Variants in KCNQ3 observed in about 807,000 individuals in gnomAD.
KCNQ3 encodes the protein potassium voltage-gated channel subfamily Q member 3.
KCNQ3 carries 30 observed loss-of-function variants against 92.5 expected under a neutral mutation model. The observed-to-expected ratio is 0.32, with a 90% CI of 0.24 to 0.44. KCNQ3 has a LOEUF of 0.44. Ranked by LOEUF, KCNQ3 falls within the 20% of genes least tolerant of loss-of-function variation. KCNQ3 has a pLI of 1.00. For missense variants in KCNQ3, 913 were observed against 1,140.3 expected (o/e 0.80, Z 2.87); for synonymous variants, 450 against 468.8 (o/e 0.96, Z 0.52).
chr8:132,360,879 T>C (rs1201988646), intron 1 of KCNQ3, among the ~76,000 whole-genome samples: 1 of 152,198 alleles, frequency 6.6e-6, no homozygotes, highest in African/African-American at 2.4e-5. Context: ...CAGCAGTTTT[T>C]TATAAAAATG....
intron 1 of KCNQ3, among the ~76,000 whole-genome samples, chr8:132,293,383 T>C (rs1816915519): frequency 6.6e-6 from 1 of 152,098 alleles, no homozygotes. Context: ...TCCAGGTAGA[T>C]GGTGTCAGAA....
intron 1 of KCNQ3, among the ~76,000 whole-genome samples, chr8:132,312,909 T>C (rs1485642774): frequency 6.6e-6 from 1 of 152,214 alleles, no homozygotes; most frequent in African/African-American, 2.4e-5. Flanking sequence ...AGTGTGAGAA[T>C]GGACTAATAC....
intron 1 of KCNQ3, among the ~76,000 whole-genome samples, chr8:132,394,513 G>A (rs1374811589): frequency 6.6e-6 from 1 of 152,194 alleles, no homozygotes; most frequent in Non-Finnish European, 1.5e-5. Context: ...GCTTGATCCA[G>A]TGTAGGGACT....
At chr8:132,264,443 C>T (rs1401802820) in intron 1 of KCNQ3, among the ~76,000 whole-genome samples, 1 of 152,208 alleles carries the variant, frequency 6.6e-6, no homozygotes, top group Non-Finnish European at 1.5e-5. Flanking sequence ...CTGGAGCTCA[C>T]TAAGGCTGTT....
At chr8:132,328,193 C>T (rs79487027) in intron 1 of KCNQ3, among the ~76,000 whole-genome samples, 16 of 152,178 alleles carry the variant, frequency 1.1e-4, no homozygotes, top group Non-Finnish European at 1.8e-4. Flanking sequence ...ACATAAGGCA[C>T]GGGCTTCCCA....
intron 1 of KCNQ3, among the ~76,000 whole-genome samples, chr8:132,291,586 T>C (rs988076416): frequency 1.3e-5 from 2 of 152,228 alleles, no homozygotes; most frequent in African/African-American, 2.4e-5. Context: ...ATATTCCCAA[T>C]GTTTATCCAT....
chr8:132,295,836 G>C (rs1175525568), intron 1 of KCNQ3, among the ~76,000 whole-genome samples: 3 of 152,098 alleles, frequency 2.0e-5, no homozygotes, highest in African/African-American at 7.2e-5. Context: ...TGAACAGTGA[G>C]AACACATGGA....
chr8:132,353,561 G>GT (rs1360636400), intron 1 of KCNQ3, among the ~76,000 whole-genome samples: 7 of 152,206 alleles, frequency 4.6e-5, no homozygotes, highest in Non-Finnish European at 1.0e-4. Flanking sequence ...AAAAATGTTG[G>GT]TTTTTTCTTT....
At chr8:132,475,507 C>A (rs1002127149) in intron 1 of KCNQ3, among the ~76,000 whole-genome samples, 1 of 152,174 alleles carries the variant, frequency 6.6e-6, no homozygotes, top group African/African-American at 2.4e-5. Flanking sequence ...TTATGGTATG[C>A]TCTGTCAGAG....
chr8:132,273,628 T>C (rs188735905), intron 1 of KCNQ3, among the ~76,000 whole-genome samples: 124 of 152,330 alleles, frequency 8.1e-4, no homozygotes, highest in South Asian at 2.3e-3. Context: ...AAATGGGATT[T>C]TCTTTTCTAA....
At chr8:132,184,395 C>A (rs1043729186) in intron 2 of KCNQ3, 28 bp from the exon 3 acceptor site, 2 of 1,612,710 alleles carry the variant, frequency 1.2e-6, no homozygotes, top group Non-Finnish European at 1.7e-6. Flanking sequence ...TGGAGAGGCA[C>A]TGATTAACCG....
intron 1 of KCNQ3, among the ~76,000 whole-genome samples, chr8:132,429,019 C>T (rs1821179783): frequency 6.6e-6 from 1 of 152,186 alleles, no homozygotes; most frequent in South Asian, 2.1e-4. Flanking sequence ...CATTCCAGAC[C>T]ATCAACTAGG....
chr8:132,443,333 C>A (rs1478146815), intron 1 of KCNQ3, among the ~76,000 whole-genome samples: 2 of 151,848 alleles, frequency 1.3e-5, no homozygotes, highest in African/African-American at 4.8e-5. Context: ...AAGGCACCAC[C>A]AAACCAGGTA....
At chr8:132,320,111 G>A (rs527851734) in intron 1 of KCNQ3, among the ~76,000 whole-genome samples, 2 of 152,350 alleles carry the variant, frequency 1.3e-5, no homozygotes, top group South Asian at 4.1e-4. Context: ...TTGGAAAGTA[G>A]TTCTTTGGGA....
At chr8:132,365,755 C>T (rs117184948) in intron 1 of KCNQ3, among the ~76,000 whole-genome samples, 2,331 of 152,248 alleles carry the variant, frequency 0.015, 27 homozygotes, top group Middle Eastern at 0.024. Flanking sequence ...TATGGCTTGG[C>T]GCAGTGGCTC....
intron 1 of KCNQ3, among the ~76,000 whole-genome samples, chr8:132,425,139 G>T (rs916799629): frequency 3.9e-5 from 6 of 152,162 alleles, no homozygotes; most frequent in Non-Finnish European, 5.9e-5. Flanking sequence ...AGTGGAGCTC[G>T]TGGATCTGCA....
chr8:132,405,566 C>T (rs1158292463), intron 1 of KCNQ3, among the ~76,000 whole-genome samples: 1 of 152,208 alleles, frequency 6.6e-6, no homozygotes, highest in Non-Finnish European at 1.5e-5. Flanking sequence ...AAAGCACCCA[C>T]TCAGTGTCAG....
At chr8:132,393,019 G>A (rs578189893) in intron 1 of KCNQ3, among the ~76,000 whole-genome samples, 3 of 151,776 alleles carry the variant, frequency 2.0e-5, no homozygotes, top group East Asian at 1.9e-4. Context: ...TCAACTTCTC[G>A]GTCCCCAGCA....
chr8:132,200,554 C>T (rs1827427919), intron 1 of KCNQ3, among the ~76,000 whole-genome samples: 1 of 151,944 alleles, frequency 6.6e-6, no homozygotes, highest in Admixed American at 6.6e-5. Flanking sequence ...ATATATGGGA[C>T]CTAATCTTAA....
Sources: gnomAD v4.1 joint callset for allele counts (sites outside exome capture counted in the v4.1 genomes callset) on GRCh38, gnomAD v4.1.1 for gene constraint, MANE v1.5 for transcripts, NCBI Gene and HGNC (gene_info 2026-07-23, HGNC 2026-07-21) for gene names.